POM121L2: variants seen among roughly 807,000 people sequenced by gnomAD.
POM121L2 encodes the protein POM121-like protein 2.
For synonymous variants in POM121L2, 459 were observed against 483.8 expected (o/e 0.95, Z 0.67); for missense variants, 1,167 against 1,260.3 (o/e 0.93, Z 1.12).
At position 27,311,346 on chromosome 6, in the gene POM121L2, G is replaced by C. The variant is rs1219947062; in HGVS notation, c.825C>G (p.Pro275=). The C allele has an allele frequency of 6.4e-7, 1 of 1,551,638 alleles. No homozygotes were observed. The highest frequency in any genetic ancestry group is 2.0e-5 in the Admixed American group (1 of 51,002). Residue 275 remains proline, a synonymous_variant, in exon 1 of 1, where the codon CCC becomes CCG. Transcript: ENST00000444565. The part of the protein sequence containing the change: ...NFSDPWKRSV[P]SVSFETPEWP... ...ACTCTGGTGTCTCGAATGATACACT[G>C]GGAACACTTCTCTTCCAAGGGTCTG...
Position 27,309,498 on chromosome 6 carries a change from A to G in POM121L2, c.2673T>C (p.Phe891=), listed in dbSNP as rs1414270938. The G allele has an allele frequency of 3.2e-6, 5 of 1,552,052 alleles. No individual in the cohort carries two copies. Among genetic ancestry groups the G allele is most frequent in the Non-Finnish European group, 4.4e-6 (5 of 1,147,076 alleles). ...FGSRAPQPFT[F]GGFVTPMDCD... is the part of the protein sequence containing the mutation. ...AGTCCATAGGGGTCACGAATCCCCC[A>G]AAAGTGAAAGGTTGTGGAGCTCTGC... Residue 891 remains phenylalanine, a synonymous_variant, in exon 1 of 1, where the codon TTT becomes TTC. Transcript: ENST00000444565.
rs1336014576 is a variant in POM121L2, at chr6:27,311,985, C to T, written c.186G>A (p.Leu62=). 1 of 1,549,880 alleles carries T rather than the reference C, an allele frequency of 6.5e-7. No homozygotes were observed. Among genetic ancestry groups the T allele is most frequent in the Non-Finnish European group, 8.7e-7 (1 of 1,146,154 alleles). Reference sequence around the variant, plus strand: ...GCCACGTGGTTGGATTGGCAGGATCCAGGTTTGGCCGCCTCCTCACAGGTC... The same window carrying T: ...GCCACGTGGTTGGATTGGCAGGATCTAGGTTTGGCCGCCTCCTCACAGGTC... The part of the protein sequence containing the change: ...RYRPVRRRPN[L]DPANPTTWLA... The change falls in exon 1 of 1, where the codon CTG becomes CTA. Residue 62 remains leucine, a synonymous_variant. Coordinates refer to ENST00000444565, the MANE Select transcript of POM121L2 (RefSeq NM_033482.4).
chr6:27,310,111 G>A lies in POM121L2; in HGVS notation c.2060C>T (p.Pro687Leu). The A allele has an allele frequency of 6.4e-7, 1 of 1,552,024 alleles. No homozygotes were observed. The highest frequency in any genetic ancestry group is 1.2e-5 in the South Asian group (1 of 84,068). ...AGTAGGAATTGTAGGATGGTGGTGTGGTGGGAAAATGAATCCTGTGGCTGG... is the reference window on the plus strand; with the variant it reads ...AGTAGGAATTGTAGGATGGTGGTGTAGTGGGAAAATGAATCCTGTGGCTGG... ...FTPATGFIFP[P>L]HHHPTIPTVH... Residue 687 changes from proline to leucine, a missense_variant, in exon 1 of 1, where the codon CCA (proline) becomes CTA (leucine). Coordinates refer to ENST00000444565, the MANE Select transcript of POM121L2 (RefSeq NM_033482.4).
Position 27,310,117 on chromosome 6 carries a change from A to T in POM121L2, c.2054T>A (p.Phe685Tyr). 6.4e-7 allele frequency: 1 copy of T among 1,552,028 alleles called. No homozygotes were observed. The change falls in exon 1 of 1, where the codon TTC becomes TAC. Residue 685 changes from phenylalanine (F) to tyrosine (Y), a missense_variant. Coordinates refer to ENST00000444565, the MANE Select transcript of POM121L2 (RefSeq NM_033482.4). ...AATTGTAGGATGGTGGTGTGGTGGG[A>T]AAATGAATCCTGTGGCTGGGGTGAA... ...ADFTPATGFI[F>Y]PPHHHPTIPT... is the part of the protein sequence containing the mutation.
In POM121L2 at chr6:27,312,244, G is replaced by C. The variant is rs778750190; in HGVS notation, c.-74C>G. ...CGAGGTTTCGGACGTCTGCAGAATCGGACAGAGTCGAAGAGCGCAGTGTTC... is the reference window on the plus strand; with the variant it reads ...CGAGGTTTCGGACGTCTGCAGAATCCGACAGAGTCGAAGAGCGCAGTGTTC... On this transcript the variant is annotated 5_prime_UTR_variant, in exon 1 of 1. Coordinates refer to ENST00000444565, the MANE Select transcript of POM121L2 (RefSeq NM_033482.4). The surrounding 1 kb of genome is among the most constrained non-coding windows in gnomAD (Gnocchi z 6.7). 7 of 938,628 alleles carry C rather than the reference G, an allele frequency of 7.5e-6. No individual in the cohort carries two copies. The highest frequency in any genetic ancestry group is 1.7e-5 in the African/African-American group (1 of 60,396). 58.1% of individuals were successfully genotyped at this position (938,628 alleles called of 1,614,324 possible).
chr6:27,309,249 T>C lies in POM121L2; in HGVS notation c.2922A>G (p.Pro974=). The change falls in exon 1 of 1, where the codon CCA becomes CCG. Residue 974 remains proline, a synonymous_variant. Transcript: ENST00000444565. ...KTMAPIAQNT[P]VPGQAKAGSS... ...TGCCTGCCTTAGCTTGTCCAGGGACTGGGGTGTTTTGAGCAATGGGGGCCA... is the reference window on the plus strand; with the variant it reads ...TGCCTGCCTTAGCTTGTCCAGGGACCGGGGTGTTTTGAGCAATGGGGGCCA... The C allele has an allele frequency of 6.4e-7, 1 of 1,551,822 alleles. No individual in the cohort carries two copies. Among genetic ancestry groups the C allele is most frequent in the Non-Finnish European group, 8.7e-7 (1 of 1,147,004 alleles).
In POM121L2 at chr6:27,310,572, C is replaced by T; in HGVS notation, c.1599G>A (p.Met533Ile). Residue 533 changes from methionine to isoleucine, a missense_variant, in exon 1 of 1, where the codon ATG becomes ATA. Met to Ile is a conservative substitution (Grantham distance 10). Transcript: ENST00000444565. The part of the protein sequence containing the change: ...APPDATSAHL[M>I]LKPILGPLHN... ...GCAGGGGCCCCAAAATCGGTTTTAA[C>T]ATGAGGTGAGCAGAAGTTGCATCAG... 6.4e-7 allele frequency: 1 copy of T among 1,552,014 alleles called. No individual in the cohort carries two copies.
rs1039367673 is a variant in POM121L2, at chr6:27,310,465, A to C, written c.1706T>G (p.Ile569Ser). 13 of 1,552,204 alleles carry C rather than the reference A, an allele frequency of 8.4e-6. No individual in the cohort carries two copies. The highest frequency in any genetic ancestry group is 1.1e-5 in the Non-Finnish European group (13 of 1,147,138). ...GAAGGTAGGAGTTAAGGTACCCTGA[A>C]TTGTGGAAAGGGAAGAGATTGAAGA... ...AASSISSLST[I>S]QGTLTPTFKP... Residue 569 changes from isoleucine (I) to serine (S), a missense_variant, in exon 1 of 1, where the codon ATT becomes AGT. Transcript: ENST00000444565.
chr6:27,312,142 A>G lies in POM121L2; in HGVS notation c.29T>C (p.Leu10Pro), dbSNP rs1235526625. The change falls in exon 1 of 1, where the codon CTT becomes CCT. Residue 10 changes from leucine (L) to proline (P), a missense_variant. Transcript: ENST00000444565. This position sits in a 1 kb window ranked among gnomAD's most constrained non-coding sequence, Gnocchi z 6.7. ...CACCTGGGCTGGGGACGAGGGCGAAAGTTCCAGTTTGCTCAGGAAACTGCC... is the reference window on the plus strand; with the variant it reads ...CACCTGGGCTGGGGACGAGGGCGAAGGTTCCAGTTTGCTCAGGAAACTGCC... Reference protein sequence around the residue: MGSFLSKLELSPSSPAQVRT... With the variant: MGSFLSKLEPSPSSPAQVRT... The G allele has an allele frequency of 6.2e-6, 9 of 1,453,570 alleles. No individual in the cohort carries two copies. Among genetic ancestry groups the G allele is most frequent in the South Asian group, 1.5e-5 (1 of 68,158 alleles). The allele number at this position is 1,453,570 out of a possible 1,614,324, so 90.0% of individuals were successfully genotyped here. A position where few individuals can be genotyped will look rare whatever the true frequency, so the allele number is the denominator to read the frequency against.
chr6:27,311,895 G>A lies in POM121L2; in HGVS notation c.276C>T (p.Leu92=). 1.3e-6 allele frequency: 2 copies of A among 1,551,768 alleles called. No homozygotes were observed. Among genetic ancestry groups the A allele is most frequent in the Non-Finnish European group, 1.7e-6 (2 of 1,147,004 alleles). ...KKSQNSPLGP[L]PSDWWESYLK... is the part of the protein sequence containing the mutation. Reference sequence around the variant, plus strand: ...AGTAACTTTCCCACCAGTCTGAAGGGAGAGGCCCCAGGGGGGAATTCTGGG... The same window carrying A: ...AGTAACTTTCCCACCAGTCTGAAGGAAGAGGCCCCAGGGGGGAATTCTGGG... The change falls in exon 1 of 1, where the codon CTC becomes CTT. Residue 92 remains leucine (L), a synonymous_variant. Coordinates refer to ENST00000444565, the MANE Select transcript of POM121L2 (RefSeq NM_033482.4).
At position 27,308,938 on chromosome 6, in the gene POM121L2, T is replaced by C; in HGVS notation, c.*125A>G. ...CAAGGATGTAGATTAGGACACACAG[T>C]GTGAACATCTAAAGCTCCAGTTTTA... is the stretch of plus-strand genomic sequence containing the variant. On this transcript the variant is annotated 3_prime_UTR_variant, in exon 1 of 1. Coordinates refer to ENST00000444565, the MANE Select transcript of POM121L2 (RefSeq NM_033482.4). 2.7e-6 allele frequency: 2 copies of C among 747,490 alleles called. No individual in the cohort carries two copies. The highest frequency in any genetic ancestry group is 2.9e-5 in the Admixed American group (1 of 34,352). The allele number at this position is 747,490 out of a possible 1,614,324, so 46.3% of individuals were successfully genotyped here. A position where few individuals can be genotyped will look rare whatever the true frequency, so the allele number is the denominator to read the frequency against.
At position 27,308,734 on chromosome 6, in the gene POM121L2, A is replaced by C. The variant is rs958514458; in HGVS notation, c.*329T>G. 1.3e-5 allele frequency among the ~76,000 whole-genome samples: 2 copies of C among 152,202 alleles called. No individual in the cohort carries two copies. The highest frequency in any genetic ancestry group is 4.8e-5 in the African/African-American group (2 of 41,444). On this transcript the variant is annotated 3_prime_UTR_variant, in exon 1 of 1. Transcript: ENST00000444565. ...CGAAAAGATGTTCTAATTGATAGAC[A>C]TTCAACTTATTTGGAAAGTCTGGAT...
chr6:27,311,007 A>G lies in POM121L2; in HGVS notation c.1164T>C (p.Leu388=). The change falls in exon 1 of 1, where the codon CTT becomes CTC. Residue 388 remains leucine (L), a synonymous_variant. Coordinates refer to ENST00000444565, the MANE Select transcript of POM121L2 (RefSeq NM_033482.4). ...GATCTGTTTCTGAAGAAGGCAGAGC[A>G]AGAGACAAGGAAGGCTGAATAGCAA... The part of the protein sequence containing the change: ...TWLAIQPSLS[L]ALPSSETDLT... 1 of 1,552,272 alleles carries G rather than the reference A, an allele frequency of 6.4e-7. No individual in the cohort carries two copies.
At position 27,312,176 on chromosome 6, in the gene POM121L2, G is replaced by T. The variant is rs1760757562; in HGVS notation, c.-6C>A. ...TTGCTCAGGAAACTGCCCATGAGGAGAGATGAGGCGCGGGCAGTGAGTTCA... is the reference window on the plus strand; with the variant it reads ...TTGCTCAGGAAACTGCCCATGAGGATAGATGAGGCGCGGGCAGTGAGTTCA... On this transcript the variant is annotated 5_prime_UTR_variant, in exon 1 of 1. Transcript: ENST00000444565. The surrounding 1 kb of genome is among the most constrained non-coding windows in gnomAD (Gnocchi z 6.7). 7.0e-7 allele frequency: 1 copy of T among 1,435,018 alleles called. No homozygotes were observed. The allele number at this position is 1,435,018 out of a possible 1,614,324, so 88.9% of individuals were successfully genotyped here.
In POM121L2 at chr6:27,311,998, C is replaced by T. The variant is rs982239462; in HGVS notation, c.173G>A (p.Arg58Lys). The part of the protein sequence containing the change: ...HPAPRYRPVR[R>K]RPNLDPANPT... ...ATTGGCAGGATCCAGGTTTGGCCGC[C>T]TCCTCACAGGTCTATACCGTGGGGC... The change falls in exon 1 of 1, where the codon AGG becomes AAG. Residue 58 changes from arginine (R) to lysine (K), a missense_variant. By Grantham distance (26) the Arg-to-Lys change is conservative. Coordinates refer to ENST00000444565, the MANE Select transcript of POM121L2 (RefSeq NM_033482.4). 1.9e-6 allele frequency: 3 copies of T among 1,549,018 alleles called. No individual in the cohort carries two copies. Among genetic ancestry groups the T allele is most frequent in the South Asian group, 1.2e-5 (1 of 83,498 alleles).
Position 27,310,990 on chromosome 6 carries a change from T to G in POM121L2, c.1181A>C (p.Glu394Ala). The G allele has an allele frequency of 8.4e-6, 13 of 1,551,850 alleles. No individual in the cohort carries two copies. The highest frequency in any genetic ancestry group is 1.1e-5 in the Non-Finnish European group (13 of 1,146,786). ...PSLSLALPSSETDLTQGANPQ... is the reference protein window; with the variant it reads ...PSLSLALPSSATDLTQGANPQ... ...ATTTGCTCCCTGGGTTAGATCTGTTTCTGAAGAAGGCAGAGCAAGAGACAA... is the reference window on the plus strand; with the variant it reads ...ATTTGCTCCCTGGGTTAGATCTGTTGCTGAAGAAGGCAGAGCAAGAGACAA... The change falls in exon 1 of 1, where the codon GAA becomes GCA. Residue 394 changes from glutamate (E) to alanine (A), a missense_variant. By Grantham distance (107) the Glu-to-Ala change is moderately radical. Coordinates refer to ENST00000444565, the MANE Select transcript of POM121L2 (RefSeq NM_033482.4).
chr6:27,309,122 T>C lies in POM121L2; in HGVS notation c.3049A>G (p.Lys1017Glu). The C allele has an allele frequency of 6.4e-7, 1 of 1,551,906 alleles. No homozygotes were observed. Among genetic ancestry groups the C allele is most frequent in the Non-Finnish European group, 8.7e-7 (1 of 1,147,040 alleles). Residue 1017 changes from lysine to glutamate, a missense_variant, in exon 1 of 1, where the codon AAA (lysine) becomes GAA (glutamate). Physicochemically the swap from Lys to Glu is moderately conservative, Grantham distance 56. Transcript: ENST00000444565. Reference protein sequence around the residue: ...ASSFSIGAKSKTPKNREKGHS... With the variant: ...ASSFSIGAKSETPKNREKGHS... ...CCTTTCTCCCGATTCTTTGGGGTTTTTGATTTTGCGCCAATGGAAAATGAA... is the reference window on the plus strand; with the variant it reads ...CCTTTCTCCCGATTCTTTGGGGTTTCTGATTTTGCGCCAATGGAAAATGAA...
rs1760752150 is a variant in POM121L2, at chr6:27,311,904, C to A, written c.267G>T (p.Leu89=). The A allele has an allele frequency of 6.4e-7, 1 of 1,551,710 alleles. No homozygotes were observed. The highest frequency in any genetic ancestry group is 8.7e-7 in the Non-Finnish European group (1 of 1,147,012). ...CCCACCAGTCTGAAGGGAGAGGCCC[C>A]AGGGGGGAATTCTGGGACTTCTTCA... ...FPMKKSQNSP[L]GPLPSDWWES... Residue 89 remains leucine, a synonymous_variant, in exon 1 of 1, where the codon CTG becomes CTT. Transcript: ENST00000444565.
At position 27,312,015 on chromosome 6, in the gene POM121L2, C is replaced by T. The variant is rs899779012; in HGVS notation, c.156G>A (p.Arg52=). The change falls in exon 1 of 1, where the codon CGG becomes CGA. Residue 52 remains arginine (R), a synonymous_variant. Transcript: ENST00000444565. This position sits in a 1 kb window ranked among gnomAD's most constrained non-coding sequence, Gnocchi z 6.7. ...TTGGCCGCCTCCTCACAGGTCTATA[C>T]CGTGGGGCAGGGTGGGCGCGGTGGA... ...QFVHRAHPAP[R]YRPVRRRPNL... The T allele has an allele frequency of 5.2e-6, 8 of 1,540,668 alleles. No homozygotes were observed. Among genetic ancestry groups the T allele is most frequent in the Non-Finnish European group, 7.0e-6 (8 of 1,140,042 alleles).
Sources: gnomAD v4.1 joint callset for allele counts (sites outside exome capture counted in the v4.1 genomes callset) on GRCh38, gnomAD v4.1.1 for gene constraint, Gnocchi (gnomAD v3.1) non-coding constraint, MANE v1.5 for transcripts, NCBI Gene and HGNC (gene_info 2026-07-23, HGNC 2026-07-21) for gene names.